The following RTTN variants were observed in gnomAD, a reference collection of about 807,000 sequenced individuals.
RTTN encodes rotatin.
In RTTN, 182 loss-of-function variants were observed where a neutral mutation model predicts 269.2. The ratio of observed to expected loss-of-function variants is 0.68; its 90% CI spans 0.60 to 0.76. The LOEUF is 0.76. Ranked by LOEUF, RTTN falls within the 30% of genes least tolerant of loss-of-function variation. RTTN has a pLI of 0.00. For missense variants in RTTN, 2,545 were observed against 2,608.6 expected (o/e 0.98, Z 0.53); for synonymous variants, 1,006 against 963.5 (o/e 1.04, Z -0.82).
At chr18:70,128,100 TACGAACA>T in intron 24 of RTTN, 1 of 434,388 alleles carries the variant, frequency 2.3e-6, no homozygotes. Flanking sequence ...GATTCATATC[TACGAACA>T]AATCAGACTT....
Position 70,140,204 on chromosome 18 carries a change from G to T in RTTN, c.2582-16C>A. ...ATTTTAATATCTGTAGATAAAAAAA[G>T]TTACTAAAAGTTAAAGCACATTTTT... On this transcript the variant is annotated splice_polypyrimidine_tract_variant and intron_variant, in intron 19 of 48. Transcript: ENST00000640769. The T allele has an allele frequency of 7.0e-7, 1 of 1,428,708 alleles. No homozygotes were observed. The highest frequency in any genetic ancestry group is 9.8e-7 in the Non-Finnish European group (1 of 1,017,966). 88.5% of individuals were successfully genotyped at this position (1,428,708 alleles called of 1,614,324 possible).
chr18:70,100,081 T>A (rs569281642), intron 28 of RTTN, among the ~76,000 whole-genome samples: 4 of 152,318 alleles, frequency 2.6e-5, no homozygotes, highest in Admixed American at 2.6e-4. Flanking sequence ...TTATTTCCAT[T>A]TGAACTTTAA....
intron 34 of RTTN, among the ~76,000 whole-genome samples, chr18:70,066,187 T>C (rs2058129216): frequency 6.6e-6 from 1 of 152,174 alleles, no homozygotes; most frequent in South Asian, 2.1e-4. Context: ...AGTTTAAGGT[T>C]CCCATAAGGC....
At chr18:70,025,083 G>A (rs2056816747) in intron 43 of RTTN, among the ~76,000 whole-genome samples, 1 of 152,176 alleles carries the variant, frequency 6.6e-6, no homozygotes, top group South Asian at 2.1e-4. Context: ...ACTAAGTTAG[G>A]AAGCATAGAA....
intron 19 of RTTN, among the ~76,000 whole-genome samples, chr18:70,141,440 G>A (rs912911486): frequency 3.3e-5 from 5 of 152,128 alleles, no homozygotes; most frequent in African/African-American, 1.2e-4. Flanking sequence ...ATACTATGCA[G>A]CCATAAAAAA....
chr18:70,118,799 G>C, intron 26 of RTTN, among the ~76,000 whole-genome samples: 1 of 152,080 alleles, frequency 6.6e-6, no homozygotes, highest in Non-Finnish European at 1.5e-5. Flanking sequence ...ATGCGTAAAT[G>C]TGATACACCA....
intron 28 of RTTN, among the ~76,000 whole-genome samples, chr18:70,102,861 T>C (rs541739595): frequency 6.6e-6 from 1 of 152,358 alleles, no homozygotes; most frequent in Admixed American, 6.5e-5. Flanking sequence ...AAATTCTGGG[T>C]TGAAAATTCT....
intron 21 of RTTN, chr18:70,138,595 C>T (rs764100135): frequency 1.4e-4 from 21 of 151,970 alleles, no homozygotes; most frequent in Non-Finnish European, 2.9e-4. Context: ...ACTAAAAATC[C>T]GTAACTGCTG....
intron 14 of RTTN, among the ~76,000 whole-genome samples, chr18:70,162,255 A>T (rs1310079877): frequency 6.6e-6 from 1 of 152,210 alleles, no homozygotes; most frequent in Non-Finnish European, 1.5e-5. Flanking sequence ...GAATTAACAC[A>T]GAAAAACCAA....
At chr18:70,058,618 C>T (rs781423865) in intron 36 of RTTN, among the ~76,000 whole-genome samples, 2 of 152,128 alleles carry the variant, frequency 1.3e-5, no homozygotes, top group Non-Finnish European at 2.9e-5. Context: ...TAAGCCTTTG[C>T]CATAAAAGGT....
intron 11 of RTTN, among the ~76,000 whole-genome samples, chr18:70,169,703 T>C (rs1311114192): frequency 6.6e-6 from 1 of 152,150 alleles, no homozygotes; most frequent in East Asian, 1.9e-4. Context: ...ATTATACACA[T>C]TATAACCTTA....
At chr18:70,122,433 T>C (rs1239253575) in intron 25 of RTTN, among the ~76,000 whole-genome samples, 1 of 152,136 alleles carries the variant, frequency 6.6e-6, no homozygotes, top group Non-Finnish European at 1.5e-5. Context: ...TGCATCAAAA[T>C]GTTAATAAGA....
At position 70,166,171 on chromosome 18, in the gene RTTN, G is replaced by C. The variant is rs1290267144; in HGVS notation, c.1820C>G (p.Ala607Gly). The change falls in exon 14 of 49, where the codon GCC becomes GGC. Residue 607 changes from alanine (A) to glycine (G), a missense_variant. Coordinates refer to ENST00000640769, the MANE Select transcript of RTTN (RefSeq NM_173630.4). ...ACTTTCTCCTTGTAGTAATGGACTG[G>C]CCTGAGCAGATTTCCAGCTGGTGAA... ...ICSKIWKSAQ[A>G]SPLLQGESQK... 6.2e-7 allele frequency: 1 copy of C among 1,612,080 alleles called. No homozygotes were observed.
chr18:70,089,345 G>C (rs974785618), intron 30 of RTTN, among the ~76,000 whole-genome samples: 4 of 152,198 alleles, frequency 2.6e-5, no homozygotes, highest in African/African-American at 9.7e-5. Flanking sequence ...CAGTGAGAAG[G>C]TGGCCCTCTG....
chr18:70,110,109 T>C (rs113811004), intron 27 of RTTN, among the ~76,000 whole-genome samples: 5,196 of 151,994 alleles, frequency 0.034, 308 homozygotes, highest in African/African-American at 0.12. Context: ...TGCACACCTA[T>C]AGTCCCAGCT....
intron 39 of RTTN, 120 bp downstream of exon 39, chr18:70,051,291 C>G (rs1568300375): frequency 8.4e-7 from 1 of 1,192,136 alleles, no homozygotes; most frequent in Non-Finnish European, 1.1e-6. Context: ...ACCCTGATAC[C>G]TCTTTTATAT....
intron 12 of RTTN, 34 bp from the exon 13 acceptor site, chr18:70,167,065 A>C: frequency 2.1e-5 from 29 of 1,387,070 alleles, no homozygotes; most frequent in Middle Eastern, 1.8e-4. Context: ...AATAAATGTC[A>C]AGTTCATGTG....
chr18:70,094,513 A>T (rs2145265714), intron 28 of RTTN, among the ~76,000 whole-genome samples: 2 of 152,174 alleles, frequency 1.3e-5, no homozygotes, highest in South Asian at 4.2e-4. Flanking sequence ...CAAAGAACTA[A>T]TTTATTTCTG....
chr18:70,117,728 A>C (rs2145524676), intron 26 of RTTN, among the ~76,000 whole-genome samples: 1 of 152,166 alleles, frequency 6.6e-6, no homozygotes, highest in East Asian at 1.9e-4. Context: ...TTAACAGTAC[A>C]TGTATGGTGT....
Sources: gnomAD v4.1 joint callset for allele counts (sites outside exome capture counted in the v4.1 genomes callset) on GRCh38, gnomAD v4.1.1 for gene constraint, MANE v1.5 for transcripts, NCBI Gene and HGNC (gene_info 2026-07-23, HGNC 2026-07-21) for gene names.